SBNO2: variants seen among roughly 807,000 people sequenced by gnomAD.
The protein encoded by SBNO2 is strawberry notch homolog 2.
Under a neutral mutation model 146.3 loss-of-function variants are expected in SBNO2, and 89 were observed. The ratio of observed to expected loss-of-function variants is 0.61; its 90% CI spans 0.51 to 0.73. The LOEUF is 0.73. Among genes scored for constraint, SBNO2 ranks in the 30% least tolerant of loss-of-function variants. The probability of loss-of-function intolerance (pLI) is 0.00; values close to 1 mark genes in which losing one functional copy is unlikely to be tolerated. For missense variants in SBNO2, 2,092 were observed against 2,003.7 expected (o/e 1.04, Z -0.84); for synonymous variants, 1,147 against 892.6 (o/e 1.29, Z -5.08).
intron 1 of SBNO2, among the ~76,000 whole-genome samples, chr19:1,156,870 C>A (rs1489615528): frequency 2.0e-5 from 3 of 152,070 alleles, no homozygotes; most frequent in African/African-American, 7.3e-5. Flanking sequence ...AGTCCCCCCA[C>A]AACCCAACAC....
chr19:1,114,446 G>A (rs113651750), intron 17 of SBNO2, 24 bp from the exon 18 acceptor site: 170 of 1,494,158 alleles, frequency 1.1e-4, no homozygotes, highest in Non-Finnish European at 1.3e-4. Context: ...CAGGGTCACC[G>A]AGGGCCAGAC....
At chr19:1,171,904 G>C (rs1026449657) in intron 1 of SBNO2, among the ~76,000 whole-genome samples, 1 of 152,204 alleles carries the variant, frequency 6.6e-6, no homozygotes, top group African/African-American at 2.4e-5. Context: ...GGTGCCTCCT[G>C]TCTAGCCCAG....
At chr19:1,145,431 C>T (rs2080180621) in intron 4 of SBNO2, among the ~76,000 whole-genome samples, 1 of 149,920 alleles carries the variant, frequency 6.7e-6, no homozygotes. Context: ...CAAGATCGTG[C>T]CATTGCACTC....
At chr19:1,169,752 T>G (rs1161407783) in intron 1 of SBNO2, among the ~76,000 whole-genome samples, 2 of 152,146 alleles carry the variant, frequency 1.3e-5, no homozygotes, top group East Asian at 3.9e-4. Flanking sequence ...CAGGGAGGTC[T>G]TACTTTCTGT....
At position 1,108,622 on chromosome 19, in the gene SBNO2, C is replaced by A; in HGVS notation, c.3699G>T (p.Ala1233=). The A allele has an allele frequency of 1.4e-6, 2 of 1,447,518 alleles. No homozygotes were observed. The highest frequency in any genetic ancestry group is 1.8e-6 in the Non-Finnish European group (2 of 1,108,684). The allele number at this position is 1,447,518 out of a possible 1,614,324, so 89.7% of individuals were successfully genotyped here. ...GCGGGGCGGGGCAGCCCAGGGCGGGCGCCTGCCTGCGCTTCACGTCCGCAT... is the reference window on the plus strand; with the variant it reads ...GCGGGGCGGGGCAGCCCAGGGCGGGAGCCTGCCTGCGCTTCACGTCCGCAT... ...LMDADVKRRQ[A]PALGCPAPPA... Residue 1233 remains alanine, a synonymous_variant, in exon 32 of 32, where the codon GCG becomes GCT. Coordinates refer to ENST00000361757, the MANE Select transcript of SBNO2 (RefSeq NM_014963.3).
chr19:1,172,729 T>C (rs1239259962), intron 1 of SBNO2, among the ~76,000 whole-genome samples: 1 of 145,124 alleles, frequency 6.9e-6, no homozygotes, highest in Non-Finnish European at 1.5e-5. Context: ...CATGCTCTTC[T>C]CTTGAACCTC....
intron 5 of SBNO2, among the ~76,000 whole-genome samples, chr19:1,125,072 C>A (rs1449570638): frequency 6.6e-6 from 1 of 151,962 alleles, no homozygotes; most frequent in East Asian, 1.9e-4. Context: ...TAAGCATGGT[C>A]AGGGTACAGT....
chr19:1,121,325 T>G (rs1468319140), intron 11 of SBNO2, among the ~76,000 whole-genome samples: 3 of 152,230 alleles, frequency 2.0e-5, no homozygotes, highest in Non-Finnish European at 4.4e-5. Context: ...CTCAGGGTTA[T>G]CGCTATTTCG....
chr19:1,163,420 C>T (rs2080369217), intron 1 of SBNO2, among the ~76,000 whole-genome samples: 1 of 152,196 alleles, frequency 6.6e-6, no homozygotes, highest in Non-Finnish European at 1.5e-5. Context: ...CTGTGGCCTC[C>T]AGGACAGGGA....
intron 1 of SBNO2, among the ~76,000 whole-genome samples, chr19:1,163,473 G>A (rs1342694782): frequency 1.3e-5 from 2 of 152,210 alleles, no homozygotes; most frequent in Non-Finnish European, 2.9e-5. Flanking sequence ...TGCTGCGGCC[G>A]CCACGAGAAG....
intron 18 of SBNO2, 46 bp downstream of exon 18, chr19:1,114,185 G>A (rs943773285): frequency 2.1e-6 from 3 of 1,400,436 alleles, no homozygotes; most frequent in African/African-American, 1.5e-5. Context: ...AGCCTGGACT[G>A]GAATCCTGAC....
chr19:1,127,346 C>G (rs1423584577), intron 5 of SBNO2, among the ~76,000 whole-genome samples: 2 of 152,218 alleles, frequency 1.3e-5, no homozygotes, highest in African/African-American at 2.4e-5. Flanking sequence ...CATCCTGGCC[C>G]CCCCCAACTC....
intron 1 of SBNO2, among the ~76,000 whole-genome samples, chr19:1,164,930 GCAC>G (rs1269013460): frequency 6.2e-5 from 2 of 32,446 alleles, no homozygotes; most frequent in Non-Finnish European, 1.5e-4. Flanking sequence ...GGAGGAGGAG[GCAC>G]AGGAGGAGGA....
At position 1,108,935 on chromosome 19, in the gene SBNO2, C is replaced by G; in HGVS notation, c.3460G>C (p.Asp1154His). The change falls in exon 31 of 32, where the codon GAC (aspartate) becomes CAC (histidine). Residue 1154 changes from aspartate (D) to histidine (H), a missense_variant. Coordinates refer to ENST00000361757, the MANE Select transcript of SBNO2 (RefSeq NM_014963.3). Reference sequence around the variant, plus strand: ...CGCAGCCGCAGCCCCTGCAGGCAGTCCTTACCCTCCTGCGCCAGCCGGCAG... The same window carrying G: ...CGCAGCCGCAGCCCCTGCAGGCAGTGCTTACCCTCCTGCGCCAGCCGGCAG... ...RHCRLAQEGKDCLQGLRLRHH... is the reference protein window; with the variant it reads ...RHCRLAQEGKHCLQGLRLRHH... 2 of 1,564,920 alleles carry G rather than the reference C, an allele frequency of 1.3e-6. No individual in the cohort carries two copies. Among genetic ancestry groups the G allele is most frequent in the Non-Finnish European group, 1.7e-6 (2 of 1,162,752 alleles).
In SBNO2 at chr19:1,112,603, C is replaced by T; in HGVS notation, c.2380-66G>A. On this transcript the variant is annotated intron_variant, in intron 20 of 31. Transcript: ENST00000361757. The surrounding 1 kb of genome is among the most constrained non-coding windows in gnomAD (Gnocchi z 5.9). ...CCCGCCCCAGCGTTGCCGCCACCTC[C>T]TCACCCACTAGGCCCCCGCTCCAGG... 1 of 1,504,498 alleles carries T rather than the reference C, an allele frequency of 6.6e-7. No homozygotes were observed. Among genetic ancestry groups the T allele is most frequent in the Non-Finnish European group, 8.9e-7 (1 of 1,129,778 alleles). The allele number at this position is 1,504,498 out of a possible 1,614,324, so 93.2% of individuals were successfully genotyped here. A position where few individuals can be genotyped will look rare whatever the true frequency, so the allele number is the denominator to read the frequency against.
In SBNO2 at chr19:1,114,273, C is replaced by T. The variant is rs746467821; in HGVS notation, c.2035G>A (p.Val679Ile). ...AGCCCGACTGCATCAACGATGACAACGTCGTCATCCACCAGGGACTCGGGG... is the reference window on the plus strand; with the variant it reads ...AGCCCGACTGCATCAACGATGACAATGTCGTCATCCACCAGGGACTCGGGG... The part of the protein sequence containing the change: ...SSPESLVDDD[V>I]VIVDAVGLPS... Residue 679 changes from valine (V) to isoleucine (I), a missense_variant, in exon 18 of 32, where the codon GTT (valine) becomes ATT (isoleucine). Val to Ile is a conservative substitution (Grantham distance 29). Coordinates refer to ENST00000361757, the MANE Select transcript of SBNO2 (RefSeq NM_014963.3). 3.9e-6 allele frequency: 6 copies of T among 1,546,610 alleles called. No homozygotes were observed. Among genetic ancestry groups the T allele is most frequent in the East Asian group, 2.5e-5 (1 of 40,382 alleles).
chr19:1,139,452 C>T lies in SBNO2; in HGVS notation c.279+7857G>A, dbSNP rs1469014671. On this transcript the variant is annotated intron_variant, in intron 4 of 31. Coordinates refer to ENST00000361757, the MANE Select transcript of SBNO2 (RefSeq NM_014963.3). ...CTGGACTTTGTAACAGCCACAGCAT[C>T]GTTCACTTAGAAATGGGGACTTTTC... 5.9e-5 allele frequency among the ~76,000 whole-genome samples: 9 copies of T among 152,078 alleles called. No homozygotes were observed. In the East Asian group the frequency reaches 1.7e-3, roughly 29 times the overall value.
At chr19:1,113,455 G>A (rs2079792060) in intron 19 of SBNO2, 80 bp downstream of exon 19, 3 of 1,273,282 alleles carry the variant, frequency 2.4e-6, no homozygotes, top group African/African-American at 1.5e-5. Flanking sequence ...GGGGCCACCA[G>A]AGCTGCACAC....
At chr19:1,111,641 G>A (rs2145191079) in intron 23 of SBNO2, 27 bp from the exon 24 acceptor site, 1 of 1,515,132 alleles carries the variant, frequency 6.6e-7, no homozygotes, top group Non-Finnish European at 9.0e-7. Flanking sequence ...ACTCGGGGAG[G>A]AGGCCCAGGG....
Sources: allele counts gnomAD v4.1 joint callset (sites outside exome capture counted in the v4.1 genomes callset), GRCh38; gene constraint gnomAD v4.1.1; non-coding constraint Gnocchi (gnomAD v3.1); transcripts MANE v1.5; gene names NCBI Gene and HGNC (gene_info 2026-07-23, HGNC 2026-07-21).